Variants in BBS9 observed in about 807,000 individuals in gnomAD.
BBS9 encodes the protein Bardet-Biedl syndrome 9.
Under a neutral mutation model 117.7 loss-of-function variants are expected in BBS9, and 89 were observed. That is an observed-to-expected ratio of 0.76 (90% confidence interval 0.64 to 0.90). BBS9 has a LOEUF of 0.90. Among genes scored for constraint, BBS9 ranks in the 40% least tolerant of loss-of-function variants. BBS9 has a pLI of 0.00. For synonymous variants in BBS9, 379 were observed against 370.9 expected (o/e 1.02, Z -0.25); for missense variants, 982 against 1,042.2 (o/e 0.94, Z 0.80).
chr7:33,196,305 C>A (rs1406593729), intron 5 of BBS9, among the ~76,000 whole-genome samples: 1 of 152,016 alleles, frequency 6.6e-6, no homozygotes, highest in Non-Finnish European at 1.5e-5. Context: ...ATTGTCTGAA[C>A]TGGAGCCTTT....
At chr7:33,569,066 G>A (rs1857355960) in intron 21 of BBS9, among the ~76,000 whole-genome samples, 2 of 152,140 alleles carry the variant, frequency 1.3e-5, no homozygotes, top group South Asian at 4.1e-4. Context: ...GGATGTAGGG[G>A]AACCTAAAAT....
chr7:33,296,809 C>T (rs1016226643), intron 9 of BBS9, among the ~76,000 whole-genome samples: 2 of 152,102 alleles, frequency 1.3e-5, no homozygotes. Context: ...TTGGCACTTC[C>T]ACTTGTGGTT....
At chr7:33,499,515 T>C (rs1162215349) in intron 19 of BBS9, among the ~76,000 whole-genome samples, 1 of 152,214 alleles carries the variant, frequency 6.6e-6, no homozygotes, top group African/African-American at 2.4e-5. Context: ...ATCTATCTGG[T>C]TTATTGTAAT....
At chr7:33,375,032 C>T (rs551838151) in intron 17 of BBS9, among the ~76,000 whole-genome samples, 6 of 151,664 alleles carry the variant, frequency 4.0e-5, no homozygotes, top group Admixed American at 3.9e-4. Context: ...TTGTATAGTT[C>T]ACTGTTTATG....
intron 21 of BBS9, among the ~76,000 whole-genome samples, chr7:33,576,384 C>A (rs1285488557): frequency 6.6e-6 from 1 of 152,068 alleles, no homozygotes; most frequent in Non-Finnish European, 1.5e-5. Flanking sequence ...GAACTACAAA[C>A]CACTGCTCAA....
intron 4 of BBS9, among the ~76,000 whole-genome samples, chr7:33,171,852 T>G (rs1583457215): frequency 6.6e-6 from 1 of 152,218 alleles, no homozygotes; most frequent in East Asian, 1.9e-4. Flanking sequence ...ATGTCTTCCC[T>G]TAGTCATTCT....
intron 11 of BBS9, among the ~76,000 whole-genome samples, chr7:33,343,406 G>A (rs151121413): frequency 5.4e-4 from 82 of 152,220 alleles, no homozygotes; most frequent in African/African-American, 1.9e-3. Context: ...CAGGTAACAC[G>A]AGGTGACGCT....
At chr7:33,441,829 T>C (rs186517190) in intron 19 of BBS9, among the ~76,000 whole-genome samples, 1 of 152,220 alleles carries the variant, frequency 6.6e-6, no homozygotes, top group Admixed American at 6.5e-5. Flanking sequence ...ATTCCTTTTA[T>C]AGGTTATCTC....
At chr7:33,596,885 A>G (rs1862903125) in intron 21 of BBS9, among the ~76,000 whole-genome samples, 1 of 152,044 alleles carries the variant, frequency 6.6e-6, no homozygotes, top group African/African-American at 2.4e-5. Flanking sequence ...CTAAATACTC[A>G]GCCAGTATTG....
chr7:33,150,028 C>T (rs1338058189), intron 2 of BBS9, among the ~76,000 whole-genome samples: 1 of 152,216 alleles, frequency 6.6e-6, no homozygotes, highest in East Asian at 1.9e-4. Context: ...TCCAACCCTT[C>T]TGGACTCCAT....
intron 17 of BBS9, among the ~76,000 whole-genome samples, chr7:33,382,755 T>A (rs1055791896): frequency 3.3e-5 from 5 of 152,194 alleles, no homozygotes; most frequent in Non-Finnish European, 7.4e-5. Context: ...TGGTGCAGAT[T>A]GAGCTCCCAT....
intron 19 of BBS9, among the ~76,000 whole-genome samples, chr7:33,463,318 G>A (rs1839743264): frequency 6.6e-6 from 1 of 152,106 alleles, no homozygotes; most frequent in African/African-American, 2.4e-5. Flanking sequence ...GTATGCAGAA[G>A]TGAAATAGCA....
intron 19 of BBS9, among the ~76,000 whole-genome samples, chr7:33,445,198 G>A (rs923119108): frequency 1.3e-5 from 2 of 152,096 alleles, no homozygotes; most frequent in African/African-American, 4.8e-5. Context: ...GCAGAGCCTG[G>A]GTTTTCAGGC....
chr7:33,386,095 C>G (rs377455585), intron 18 of BBS9, among the ~76,000 whole-genome samples: 6 of 151,172 alleles, frequency 4.0e-5, no homozygotes, highest in African/African-American at 1.5e-4. Flanking sequence ...CAAACCTGCA[C>G]GTTGTGCACA....
At chr7:33,206,406 A>G (rs1369050387) in intron 5 of BBS9, among the ~76,000 whole-genome samples, 1 of 152,194 alleles carries the variant, frequency 6.6e-6, no homozygotes, top group East Asian at 1.9e-4. Context: ...TTATGACACT[A>G]GTTGTTACTG....
rs963758396 is a variant in BBS9, at chr7:33,484,906, A to G, written c.2116-20557A>G. 3.3e-5 allele frequency among the ~76,000 whole-genome samples: 5 copies of G among 152,252 alleles called. No homozygotes were observed. In the East Asian group the frequency reaches 5.8e-4, roughly 18 times the overall value. ...ATGGAATCAGCGCAAATGCCTGTCA[A>G]TGATAGCATGGATAAATAAAATGTT... is the stretch of plus-strand genomic sequence containing the variant. On this transcript the variant is annotated intron_variant, in intron 19 of 22. Coordinates refer to ENST00000242067, the MANE Select transcript of BBS9 (RefSeq NM_198428.3).
At chr7:33,147,424 T>C (rs1390672673) in intron 2 of BBS9, among the ~76,000 whole-genome samples, 1 of 152,156 alleles carries the variant, frequency 6.6e-6, no homozygotes, top group Admixed American at 6.6e-5. Flanking sequence ...GAGAAAATTG[T>C]ATTGGTAAAG....
chr7:33,528,059 C>A (rs993998999), intron 20 of BBS9, among the ~76,000 whole-genome samples: 3 of 152,254 alleles, frequency 2.0e-5, no homozygotes, highest in African/African-American at 7.2e-5. Context: ...CAATTCCATA[C>A]AATATGATAC....
intron 21 of BBS9, among the ~76,000 whole-genome samples, chr7:33,586,718 A>C (rs1860957492): frequency 6.6e-6 from 1 of 152,100 alleles, no homozygotes; most frequent in African/African-American, 2.4e-5. Flanking sequence ...TAGCCATAAA[A>C]AACAAAACAA....
Sources: allele counts gnomAD v4.1 joint callset (sites outside exome capture counted in the v4.1 genomes callset), GRCh38; gene constraint gnomAD v4.1.1; transcripts MANE v1.5; gene names NCBI Gene and HGNC (gene_info 2026-07-23, HGNC 2026-07-21).